The following METTL22 variants were observed in gnomAD, a reference collection of about 807,000 sequenced individuals.
METTL22 encodes methyltransferase-like protein 22.
A neutral mutation model predicts 48.4 loss-of-function variants in METTL22; 51 were observed. The ratio of observed to expected loss-of-function variants is 1.05; its 90% CI spans 0.84 to 1.33. The LOEUF is 1.33. METTL22 is among the 40% of genes most tolerant of loss of function. The pLI is 0.00. For missense variants in METTL22, 678 were observed against 526.9 expected, an observed-to-expected ratio of 1.29 and a Z score of -2.81; for synonymous variants, 255 against 214.1, an observed-to-expected ratio of 1.19 and a Z score of -1.67.
the METTL22 span, among the ~76,000 whole-genome samples, chr16:8,655,753 A>T: frequency 2.0e-5 from 3 of 152,366 alleles, no homozygotes; most frequent in South Asian, 6.2e-4. Flanking sequence ...TCGTGTTCTC[A>T]TACCCACAGC....
intron 10 of METTL22, among the ~76,000 whole-genome samples, chr16:8,645,659 C>G (rs1467653500): frequency 2.6e-5 from 4 of 152,098 alleles, no homozygotes; most frequent in African/African-American, 9.7e-5. Flanking sequence ...ACCTGTGGTC[C>G]CAGCTACTCT....
chr16:8,629,072 A>G lies in METTL22; in HGVS notation c.476A>G (p.Glu159Gly). Residue 159 changes from glutamate (E) to glycine (G), a missense_variant, in exon 3 of 11, where the codon GAG becomes GGG. Coordinates refer to ENST00000381920, the MANE Select transcript of METTL22 (RefSeq NM_024109.4). ...CAGGAAGAAGACGACGTCCTGGGAGAGGAAGCACAAGGCAGCCCGCACGAT... is the reference window on the plus strand; with the variant it reads ...CAGGAAGAAGACGACGTCCTGGGAGGGGAAGCACAAGGCAGCCCGCACGAT... ...LAQEEDDVLGEEAQGSPHDII... is the reference protein window; with the variant it reads ...LAQEEDDVLGGEAQGSPHDII... 1.9e-6 allele frequency: 3 copies of G among 1,613,782 alleles called. No individual in the cohort carries two copies. Among genetic ancestry groups the G allele is most frequent in the Non-Finnish European group, 1.7e-6 (2 of 1,180,000 alleles).
At chr16:8,638,096 A>G (rs1384324540) in intron 5 of METTL22, among the ~76,000 whole-genome samples, 3 of 132,656 alleles carry the variant, frequency 2.3e-5, no homozygotes, top group Non-Finnish European at 4.8e-5. Flanking sequence ...GCAGTGAGCC[A>G]AGGTTGCACC....
At position 8,649,289 on chromosome 16, in the gene METTL22, GC is replaced by G. The variant is rs1324736622; in HGVS notation, c.*3151del. ...TTTTCATTTCCCAGAGTGGGAGCGCGCCCCCATTGCCATGTTTTATGGCCTT... is the reference window on the plus strand; with the variant it reads ...TTTTCATTTCCCAGAGTGGGAGCGCGCCCCATTGCCATGTTTTATGGCCTT... On this transcript the variant is annotated 3_prime_UTR_variant, in exon 11 of 11. Coordinates refer to ENST00000381920, the MANE Select transcript of METTL22 (RefSeq NM_024109.4). The G allele has an allele frequency of 1.3e-5, 2 of 152,120 alleles. No homozygotes were observed. Among genetic ancestry groups the G allele is most frequent in the Non-Finnish European group, 2.9e-5 (2 of 68,022 alleles). The allele number at this position is 152,120 out of a possible 1,614,324, so 9.4% of individuals were successfully genotyped here. A position where few individuals can be genotyped will look rare whatever the true frequency, so the allele number is the denominator to read the frequency against.
At chr16:8,661,418 G>T in the METTL22 span, among the ~76,000 whole-genome samples, 5 of 149,572 alleles carry the variant, frequency 3.3e-5, no homozygotes, top group Non-Finnish European at 1.5e-5. Flanking sequence ...AGGCCAAGGC[G>T]GGCAGATCAC....
chr16:8,626,077 G>A (rs892607108), intron 2 of METTL22, among the ~76,000 whole-genome samples: 1 of 151,718 alleles, frequency 6.6e-6, no homozygotes, highest in African/African-American at 2.4e-5. Flanking sequence ...GCTCACTGCA[G>A]CCTCAAACTC....
the METTL22 span, among the ~76,000 whole-genome samples, chr16:8,662,313 C>CAG: frequency 6.9e-6 from 1 of 145,392 alleles, no homozygotes; most frequent in East Asian, 2.0e-4. Flanking sequence ...ATTGGAAACC[C>CAG]AGAGCTCTTT....
rs559332407 is a variant in METTL22, at chr16:8,647,291, G to A, written c.*1148G>A. The A allele has an allele frequency of 9.0e-5, 14 of 155,124 alleles. No homozygotes were observed. Among genetic ancestry groups the A allele is most frequent in the South Asian group, 3.9e-4 (2 of 5,130 alleles). The allele number at this position is 155,124 out of a possible 1,614,324, so 9.6% of individuals were successfully genotyped here. A position where few individuals can be genotyped will look rare whatever the true frequency, so the allele number is the denominator to read the frequency against. ...AGCCTTGTGATACCCACATTACAGCGGAGAAGACTGAGGTCCAAAAAGGAA... is the reference window on the plus strand; with the variant it reads ...AGCCTTGTGATACCCACATTACAGCAGAGAAGACTGAGGTCCAAAAAGGAA... On this transcript the variant is annotated 3_prime_UTR_variant, in exon 11 of 11. Transcript: ENST00000381920.
At chr16:8,641,034 G>T in intron 6 of METTL22, 97 bp from the exon 7 acceptor site, 1 of 1,155,308 alleles carries the variant, frequency 8.7e-7, no homozygotes, top group South Asian at 1.3e-5. Context: ...GGGTGGGTGG[G>T]TGGATAGATG....
At position 8,639,220 on chromosome 16, in the gene METTL22, C is replaced by G. The variant is rs370816388; in HGVS notation, c.772+58C>G. On this transcript the variant is annotated intron_variant, in intron 6 of 10. Coordinates refer to ENST00000381920, the MANE Select transcript of METTL22 (RefSeq NM_024109.4). ...AGGTTTCTCTGTTTAGCAGATAGGA[C>G]AGACACCCAAGACCATGACATTGGG... 73 of 1,535,278 alleles carry G rather than the reference C, an allele frequency of 4.8e-5. 1 individual carries two copies. In the African/African-American group the frequency reaches 8.6e-4, roughly 18 times the overall value.
At chr16:8,657,824 C>CT in the METTL22 span, among the ~76,000 whole-genome samples, 55 of 137,454 alleles carry the variant, frequency 4.0e-4, no homozygotes, top group East Asian at 2.0e-3. Context: ...TCTTTTCTTT[C>CT]TTTTTTTTTT....
chr16:8,628,877 G>A lies in METTL22; in HGVS notation c.281G>A (p.Gly94Asp), dbSNP rs1230948775. The A allele has an allele frequency of 2.5e-6, 4 of 1,613,880 alleles. No homozygotes were observed. The highest frequency in any genetic ancestry group is 3.4e-6 in the Non-Finnish European group (4 of 1,179,990). The change falls in exon 3 of 11, where the codon GGT becomes GAT. Residue 94 changes from glycine (G) to aspartate (D), a missense_variant. Transcript: ENST00000381920. ...GGGTCCCCTCCAGGAAGTGGCCATG[G>A]TAATGAGGGTTTCTCCCTCCAGGCC... ...STGSPPGSGH[G>D]NEGFSLQAGT...
At chr16:8,644,827 A>G in intron 10 of METTL22, 102 bp downstream of exon 10, 12 of 1,256,304 alleles carry the variant, frequency 9.6e-6, no homozygotes, top group Non-Finnish European at 1.2e-5. Flanking sequence ...CACAGGCTCC[A>G]CCCTAGTCCT....
intron 10 of METTL22, 105 bp downstream of exon 10, chr16:8,644,830 C>T: frequency 1.6e-6 from 2 of 1,244,550 alleles, no homozygotes; most frequent in East Asian, 2.9e-5. Flanking sequence ...AGGCTCCACC[C>T]TAGTCCTGCA....
At chr16:8,637,552 A>G (rs1473220858) in intron 5 of METTL22, among the ~76,000 whole-genome samples, 1 of 152,246 alleles carries the variant, frequency 6.6e-6, no homozygotes, top group Non-Finnish European at 1.5e-5. Flanking sequence ...CAGGGTTCCT[A>G]TCTCTGTTGT....
chr16:8,622,198 A>C (rs951804677), intron 1 of METTL22, among the ~76,000 whole-genome samples: 1 of 152,044 alleles, frequency 6.6e-6, no homozygotes, highest in African/African-American at 2.4e-5. Context: ...GGGCCTTCAC[A>C]CCCTGCCCTC....
intron 1 of METTL22, among the ~76,000 whole-genome samples, chr16:8,622,814 A>G (rs1309974969): frequency 3.3e-5 from 5 of 152,138 alleles, no homozygotes; most frequent in Non-Finnish European, 5.9e-5. Flanking sequence ...CTTAAAGGGA[A>G]TCTCCTTCAT....
At position 8,642,220 on chromosome 16, in the gene METTL22, C is replaced by G. The variant is rs1329267598; in HGVS notation, c.907+13C>G. 6.2e-7 allele frequency: 1 copy of G among 1,604,152 alleles called. No individual in the cohort carries two copies. The highest frequency in any genetic ancestry group is 8.5e-7 in the Non-Finnish European group (1 of 1,170,946). Reference sequence around the variant, plus strand: ...TTTGCAGCCGAAGGTAAGAAAATTTCTCCTTCGCCGTACACGTCCTTTGTT... The same window carrying G: ...TTTGCAGCCGAAGGTAAGAAAATTTGTCCTTCGCCGTACACGTCCTTTGTT... On this transcript the variant is annotated intron_variant, in intron 8 of 10. Coordinates refer to ENST00000381920, the MANE Select transcript of METTL22 (RefSeq NM_024109.4).
rs1275817164 is a variant in METTL22, at chr16:8,626,534, C to T, written c.133+736C>T. Among the ~76,000 whole-genome samples, 5 of 151,198 alleles carry T rather than the reference C, an allele frequency of 3.3e-5. No homozygotes were observed. In the South Asian group the frequency reaches 8.4e-4, roughly 25 times the overall value. ...CGCGACCTCGGCTCACTGCAACCTCCGCCTCCCGGGTTCAAGCAACTCTCC... is the reference window on the plus strand; with the variant it reads ...CGCGACCTCGGCTCACTGCAACCTCTGCCTCCCGGGTTCAAGCAACTCTCC... On this transcript the variant is annotated intron_variant, in intron 2 of 10. Transcript: ENST00000381920.
Sources: allele counts gnomAD v4.1 joint callset (sites outside exome capture counted in the v4.1 genomes callset), GRCh38; gene constraint gnomAD v4.1.1; transcripts MANE v1.5; gene names NCBI Gene and HGNC (gene_info 2026-07-23, HGNC 2026-07-21).